Variants in SSBP3 observed in about 807,000 individuals in gnomAD.
The protein encoded by SSBP3 is single stranded DNA binding protein 3.
SSBP3 carries 5 observed loss-of-function variants against 69.6 expected under a neutral mutation model. That is an observed-to-expected ratio of 0.07 (90% confidence interval 0.04 to 0.15). SSBP3 has a LOEUF of 0.15. Ranked by LOEUF, SSBP3 falls within the 10% of genes least tolerant of loss-of-function variation. The pLI is 1.00. For synonymous variants in SSBP3, 196 were observed against 193.4 expected (o/e 1.01, Z -0.11); for missense variants, 312 against 534.0 (o/e 0.58, Z 4.10).
chr1:54,355,640 G>A (rs1296940600), intron 4 of SSBP3, among the ~76,000 whole-genome samples: 3 of 152,048 alleles, frequency 2.0e-5, no homozygotes, highest in Admixed American at 6.5e-5. Flanking sequence ...TTGAGCCACC[G>A]CGTCCAGCCT....
intron 14 of SSBP3, among the ~76,000 whole-genome samples, chr1:54,232,290 G>T (rs1393629369): frequency 6.6e-6 from 1 of 152,106 alleles, no homozygotes; most frequent in Non-Finnish European, 1.5e-5. Context: ...AATTTGATAG[G>T]CTATATTACA....
chr1:54,349,327 T>G (rs527428407), intron 4 of SSBP3, among the ~76,000 whole-genome samples: 1 of 152,192 alleles, frequency 6.6e-6, no homozygotes, highest in Non-Finnish European at 1.5e-5. Flanking sequence ...CCTACAGCGG[T>G]GCCTGGCACA....
chr1:54,260,316 G>A (rs1268435266), intron 5 of SSBP3, among the ~76,000 whole-genome samples: 3 of 152,210 alleles, frequency 2.0e-5, no homozygotes, highest in African/African-American at 7.2e-5. Flanking sequence ...CCTCCCTCGC[G>A]TCCTTCCCTT....
intron 4 of SSBP3, among the ~76,000 whole-genome samples, chr1:54,394,264 T>C (rs1453433555): frequency 1.3e-5 from 2 of 152,236 alleles, no homozygotes; most frequent in Non-Finnish European, 2.9e-5. Context: ...TTTCTTTAGC[T>C]ACTTGAAAGA....
chr1:54,249,722 AC>A (rs35939263), intron 9 of SSBP3, among the ~76,000 whole-genome samples: 71,383 of 149,544 alleles, frequency 0.48, 17,625 homozygotes, highest in African/African-American at 0.6. Flanking sequence ...ATTTAAAAAA[AC>A]TTTTAATAAA....
At chr1:54,406,782 A>G (rs899646045), upstream of SSBP3, among the ~76,000 whole-genome samples, 1 of 149,802 alleles carries the variant, frequency 6.7e-6, no homozygotes, top group Admixed American at 6.6e-5. Context: ...GGGGGCGCAG[A>G]CCCCCAAGCG....
intron 1 of SSBP3, among the ~76,000 whole-genome samples, chr1:54,405,155 GC>G (rs1044695550): frequency 6.6e-6 from 1 of 152,178 alleles, no homozygotes; most frequent in African/African-American, 2.4e-5. Context: ...ATGGAGAGCA[GC>G]CCCCAAACTT....
chr1:54,227,179 GAA>G lies in SSBP3; in HGVS notation c.1138-21_1138-20del, dbSNP rs1644298656. On this transcript the variant is annotated intron_variant, in intron 17 of 17. Coordinates refer to ENST00000610401, the Ensembl canonical transcript of SSBP3. ...GAGAATACTGGAAAGGAGAAGCAGA[GAA>G]GGGGGGGGGGTGAGGATTGTGGGGA... 1 of 675,680 alleles carries G rather than the reference GAA, an allele frequency of 1.5e-6. No homozygotes were observed. Among genetic ancestry groups the G allele is most frequent in the Non-Finnish European group, 2.3e-6 (1 of 426,808 alleles). The allele number at this position is 675,680 out of a possible 1,614,324, so 41.9% of individuals were successfully genotyped here.
chr1:54,228,902 C>T (rs1475845559), intron 14 of SSBP3, 76 bp from the exon 15 acceptor site: 2 of 1,481,186 alleles, frequency 1.4e-6, no homozygotes, highest in East Asian at 2.4e-5. Flanking sequence ...GGGGCTGCAG[C>T]CACGCTTGAG....
intron 4 of SSBP3, among the ~76,000 whole-genome samples, chr1:54,311,897 C>T (rs1646010133): frequency 6.6e-6 from 1 of 152,156 alleles, no homozygotes; most frequent in Non-Finnish European, 1.5e-5. Context: ...CCATCTACAG[C>T]AGCCAAGGCC....
chr1:54,255,411 C>T (rs944277729), intron 7 of SSBP3, among the ~76,000 whole-genome samples: 3 of 152,232 alleles, frequency 2.0e-5, no homozygotes, highest in African/African-American at 7.2e-5. Flanking sequence ...AAGGCTGCTG[C>T]TGGCGCCCCT....
At chr1:54,312,584 T>C (rs987328548) in intron 4 of SSBP3, among the ~76,000 whole-genome samples, 4 of 151,972 alleles carry the variant, frequency 2.6e-5, no homozygotes, top group Admixed American at 6.6e-5. Context: ...CAGGATTACA[T>C]AGAGGACCAG....
At chr1:54,383,015 GAAAGAAAGAAAGA>G (rs1312384857) in intron 4 of SSBP3, among the ~76,000 whole-genome samples, 84 of 140,950 alleles carry the variant, frequency 6.0e-4, no homozygotes, top group African/African-American at 4.8e-4. Context: ...GAGAGAGAGA[GAAAGAAAGAAAGA>G]AAAGAAAGAA....
At chr1:54,346,964 C>T (rs1042304927) in intron 4 of SSBP3, among the ~76,000 whole-genome samples, 2 of 151,976 alleles carry the variant, frequency 1.3e-5, no homozygotes, top group Non-Finnish European at 2.9e-5. Context: ...GCACACACAT[C>T]CTCCCATATA....
chr1:54,227,125 G>C (rs768405555), exon 18 of SSBP3: 48 of 1,590,730 alleles, frequency 3.0e-5, no homozygotes, highest in African/African-American at 9.6e-5. Context: ...CTCGGAGAAG[G>C]GGGGATCACA....
chr1:54,294,886 C>A (rs1384155002), intron 4 of SSBP3, among the ~76,000 whole-genome samples: 3 of 152,152 alleles, frequency 2.0e-5, no homozygotes, highest in Admixed American at 2.0e-4. Flanking sequence ...CTGAGAACAG[C>A]AGGGTGTAGG....
At chr1:54,261,670 T>C (rs1358388528) in intron 5 of SSBP3, among the ~76,000 whole-genome samples, 2 of 152,182 alleles carry the variant, frequency 1.3e-5, no homozygotes, top group Admixed American at 1.3e-4. Flanking sequence ...GGAGGGCTGC[T>C]TGGCCAGCAG....
chr1:54,286,139 G>C (rs933807969), intron 4 of SSBP3, among the ~76,000 whole-genome samples: 1 of 152,064 alleles, frequency 6.6e-6, no homozygotes, highest in Admixed American at 6.5e-5. Flanking sequence ...ACTACCGAGA[G>C]ACCTGTTATC....
At chr1:54,326,449 C>T (rs1646306289) in intron 4 of SSBP3, 1 of 152,312 alleles carries the variant, frequency 6.6e-6, no homozygotes. Context: ...GATACCAGCT[C>T]CTCTGTGCAG....
Sources: allele counts gnomAD v4.1 joint callset (sites outside exome capture counted in the v4.1 genomes callset), GRCh38; gene constraint gnomAD v4.1.1; transcripts MANE v1.5; gene names NCBI Gene and HGNC (gene_info 2026-07-23, HGNC 2026-07-21).